CCT6B: variants seen among roughly 807,000 people sequenced by gnomAD.
CCT6B encodes chaperonin containing TCP1 subunit 6B.
A neutral mutation model predicts 61.5 loss-of-function variants in CCT6B; 49 were observed. That is an observed-to-expected ratio of 0.80 (90% confidence interval 0.63 to 1.01). The LOEUF (loss-of-function observed/expected upper bound fraction) is 1.01, where lower values mean the gene tolerates loss of function less well. Among genes scored for constraint, CCT6B ranks in the 50% least tolerant of loss-of-function variants. The pLI is 0.00. For synonymous variants in CCT6B, 228 were observed against 214.5 expected (o/e 1.06, Z -0.55); for missense variants, 666 against 634.7 (o/e 1.05, Z -0.53).
At chr17:34,949,945 G>C (rs1422122402) in intron 5 of CCT6B, among the ~76,000 whole-genome samples, 1 of 152,130 alleles carries the variant, frequency 6.6e-6, no homozygotes, top group East Asian at 1.9e-4. Context: ...ACCAACTGCA[G>C]CATACATTCT....
chr17:34,960,508 A>C (rs942877284), intron 1 of CCT6B, among the ~76,000 whole-genome samples: 3 of 152,174 alleles, frequency 2.0e-5, no homozygotes, highest in Non-Finnish European at 4.4e-5. Context: ...TTCTGCCATC[A>C]GTCCCTTTCT....
chr17:34,951,655 C>CTAG (rs2090293187), intron 5 of CCT6B, among the ~76,000 whole-genome samples: 2 of 152,164 alleles, frequency 1.3e-5, no homozygotes, highest in African/African-American at 4.8e-5. Context: ...GTGCACATGG[C>CTAG]TAGCTCCCTT....
chr17:34,952,233 T>A (rs1433901790), intron 4 of CCT6B, among the ~76,000 whole-genome samples, 180 bp from the exon 5 acceptor site: 1 of 152,242 alleles, frequency 6.6e-6, no homozygotes, highest in Non-Finnish European at 1.5e-5. Context: ...ACAGACACTT[T>A]AGAGTCTAAA....
At chr17:34,954,387 G>C (rs528480986) in intron 4 of CCT6B, 39 bp downstream of exon 4, 2 of 1,484,542 alleles carry the variant, frequency 1.3e-6, no homozygotes, top group South Asian at 2.5e-5. Context: ...CCATGCATTA[G>C]GCTATATTTG....
intron 1 of CCT6B, 127 bp from the exon 2 acceptor site, chr17:34,959,777 G>C (rs2090391425): frequency 1.6e-6 from 1 of 610,092 alleles, no homozygotes. Context: ...AATATGCCAT[G>C]GTAATTACCA....
intron 13 of CCT6B, among the ~76,000 whole-genome samples, chr17:34,928,602 C>A (rs2142128561): frequency 6.6e-6 from 1 of 152,240 alleles, no homozygotes; most frequent in African/African-American, 2.4e-5. Flanking sequence ...ATAATTTAAA[C>A]TCCTTTGCTG....
chr17:34,939,534 G>T, intron 9 of CCT6B, 83 bp downstream of exon 9: 1 of 937,770 alleles, frequency 1.1e-6, no homozygotes, highest in Non-Finnish European at 1.7e-6. Context: ...CACAAAACAT[G>T]AAATAAAAGG....
At chr17:34,952,379 T>C (rs2090301998) in intron 4 of CCT6B, among the ~76,000 whole-genome samples, 1 of 152,168 alleles carries the variant, frequency 6.6e-6, no homozygotes, top group African/African-American at 2.4e-5. Flanking sequence ...CAGGGCTCCC[T>C]AACTGCCCAG....
At chr17:34,937,408 T>C (rs2090106844) in intron 10 of CCT6B, among the ~76,000 whole-genome samples, 1 of 151,784 alleles carries the variant, frequency 6.6e-6, no homozygotes, top group Admixed American at 6.6e-5. Context: ...AGCACAGAAA[T>C]AGAACCACAC....
chr17:34,932,980 C>G (rs1452836955), intron 10 of CCT6B, among the ~76,000 whole-genome samples: 1 of 152,120 alleles, frequency 6.6e-6, no homozygotes, highest in Non-Finnish European at 1.5e-5. Flanking sequence ...TGGGGTTTCA[C>G]CACGTTGGCC....
intron 3 of CCT6B, among the ~76,000 whole-genome samples, chr17:34,957,183 T>C (rs1328794980): frequency 6.9e-6 from 1 of 144,358 alleles, no homozygotes; most frequent in Non-Finnish European, 1.5e-5. Flanking sequence ...TCACTCTTGT[T>C]GCCCAGGCTA....
chr17:34,958,392 C>T (rs1490283623), intron 3 of CCT6B, among the ~76,000 whole-genome samples, 168 bp downstream of exon 3: 2 of 152,034 alleles, frequency 1.3e-5, no homozygotes, highest in Non-Finnish European at 2.9e-5. Flanking sequence ...TGCAGTGAGC[C>T]AAGATTCTGC....
chr17:34,950,324 C>T (rs954655701), intron 5 of CCT6B, among the ~76,000 whole-genome samples: 2 of 152,056 alleles, frequency 1.3e-5, no homozygotes, highest in African/African-American at 4.8e-5. Context: ...AAAAAGTCCC[C>T]ACAAAATTCC....
At chr17:34,937,475 A>G (rs914725351) in intron 10 of CCT6B, among the ~76,000 whole-genome samples, 3 of 152,164 alleles carry the variant, frequency 2.0e-5, no homozygotes, top group Admixed American at 6.5e-5. Context: ...GGTGAAAGTA[A>G]AGTCTTTTCA....
chr17:34,941,511 T>A (rs1238684772), intron 7 of CCT6B, among the ~76,000 whole-genome samples: 1 of 152,244 alleles, frequency 6.6e-6, no homozygotes, highest in Non-Finnish European at 1.5e-5. Flanking sequence ...ACAAGTTTTC[T>A]GAAATTCTAA....
chr17:34,942,506 C>T lies in CCT6B; in HGVS notation c.863G>A (p.Gly288Glu), dbSNP rs766930718. 6 of 1,591,096 alleles carry T rather than the reference C, an allele frequency of 3.8e-6. No individual in the cohort carries two copies. The South Asian group carries it at 5.8e-5, about 15-fold the overall frequency. ...CACCTTTTGATTAATGACGACAAAT[C>T]CTTTATTTGACTGAGCACAGACTTT... ...KDKVCAQSNK[G>E]FVVINQKGID... is the part of the protein sequence containing the mutation. Residue 288 changes from glycine (G) to glutamate (E), a missense_variant, in exon 7 of 14, where the codon GGA (glycine) becomes GAA (glutamate). By Grantham distance (98) the Gly-to-Glu change is moderately conservative. Coordinates refer to ENST00000314144, the MANE Select transcript of CCT6B (RefSeq NM_006584.4).
chr17:34,958,713 A>C lies in CCT6B; in HGVS notation c.202-19T>G, dbSNP rs2090376557. On this transcript the variant is annotated intron_variant, in intron 2 of 13. Coordinates refer to ENST00000314144, the MANE Select transcript of CCT6B (RefSeq NM_006584.4). The stretch of plus-strand genomic sequence containing the variant: ...GAATTTGCTGGAAAAAGCAAGCAAC[A>C]GATTTAAAAAGACAGGATGAGATAA... 6.4e-7 allele frequency: 1 copy of C among 1,571,336 alleles called. No individual in the cohort carries two copies. The highest frequency in any genetic ancestry group is 1.2e-5 in the South Asian group (1 of 81,452).
intron 5 of CCT6B, among the ~76,000 whole-genome samples, chr17:34,944,943 TA>T (rs995608463): frequency 1.3e-5 from 2 of 152,128 alleles, no homozygotes; most frequent in Admixed American, 1.3e-4. Flanking sequence ...AAAAAAAAAG[TA>T]AATGTTTTCC....
chr17:34,951,103 T>G (rs979143048), intron 5 of CCT6B, among the ~76,000 whole-genome samples: 7 of 152,092 alleles, frequency 4.6e-5, no homozygotes, highest in East Asian at 3.8e-4. Flanking sequence ...CTAAAAGAGA[T>G]ATCACCTAAG....
Sources: allele counts gnomAD v4.1 joint callset (sites outside exome capture counted in the v4.1 genomes callset), GRCh38; gene constraint gnomAD v4.1.1; transcripts MANE v1.5; gene names NCBI Gene and HGNC (gene_info 2026-07-23, HGNC 2026-07-21).